SEMA4B: variants seen among roughly 807,000 people sequenced by gnomAD.
SEMA4B encodes semaphorin-4B.
A neutral mutation model predicts 88.1 loss-of-function variants in SEMA4B; 55 were observed. The ratio of observed to expected loss-of-function variants is 0.62; its 90% CI spans 0.50 to 0.78. SEMA4B has a LOEUF of 0.78. Ranked by LOEUF, SEMA4B falls within the 30% of genes least tolerant of loss-of-function variation. The pLI is 0.00. For synonymous variants in SEMA4B, 525 were observed against 473.6 expected, an observed-to-expected ratio of 1.11 and a Z score of -1.41; for missense variants, 1,062 against 1,111.9, an observed-to-expected ratio of 0.96 and a Z score of 0.64.
rs1962319534 is a variant in SEMA4B, at chr15:90,228,501, C to T, written c.2372C>T (p.Ser791Leu). 1 of 1,611,404 alleles carries T rather than the reference C, an allele frequency of 6.2e-7. No homozygotes were observed. The highest frequency in any genetic ancestry group is 8.5e-7 in the Non-Finnish European group (1 of 1,179,236). ...PLDHRGYQSL[S>L]DSPPGSRVFT... is the part of the protein sequence containing the mutation. ...GATCACCGAGGGTACCAGTCCCTGT[C>T]AGACAGCCCCCCGGGGTCCCGAGTC... Residue 791 changes from serine to leucine, a missense_variant, in exon 14 of 14, where the codon TCA becomes TTA. Coordinates refer to ENST00000411539, the MANE Select transcript of SEMA4B (RefSeq NM_198925.4).
chr15:90,205,662 C>A (rs1960952053), intron 1 of SEMA4B, among the ~76,000 whole-genome samples: 1 of 152,220 alleles, frequency 6.6e-6, no homozygotes. Context: ...AAGGTAGCTT[C>A]TGCTCTGGTG....
At chr15:90,196,274 A>T (rs1054873154) in intron 1 of SEMA4B, among the ~76,000 whole-genome samples, 1 of 152,188 alleles carries the variant, frequency 6.6e-6, no homozygotes, top group East Asian at 1.9e-4. Context: ...AATTACGTCA[A>T]ATAGTCCCAT....
chr15:90,225,956 A>G, intron 12 of SEMA4B, 129 bp downstream of exon 12: 1 of 672,334 alleles, frequency 1.5e-6, no homozygotes, highest in Non-Finnish European at 2.2e-6. Context: ...ATAATTATTA[A>G]TTAGCTCTCC....
Position 90,227,929 on chromosome 15 carries a change from G to C in SEMA4B, c.1800G>C (p.Gln600His). The C allele has an allele frequency of 6.2e-7, 1 of 1,613,034 alleles. No individual in the cohort carries two copies. Among genetic ancestry groups the C allele is most frequent in the African/African-American group, 1.3e-5 (1 of 75,040 alleles). Residue 600 changes from glutamine to histidine, a missense_variant, in exon 14 of 14, where the codon CAG becomes CAC. Coordinates refer to ENST00000411539, the MANE Select transcript of SEMA4B (RefSeq NM_198925.4). ...PTGEKPCEQV[Q>H]FQPNTVNTLA... ...GGGAGAAGCCATGTGAGCAAGTCCA[G>C]TTCCAGCCCAACACAGTGAACACTT...
chr15:90,224,869 G>C (rs1962057484), intron 9 of SEMA4B, 99 bp from the exon 10 acceptor site: 12 of 992,330 alleles, frequency 1.2e-5, no homozygotes, highest in Non-Finnish European at 1.9e-5. Context: ...CTCCGGGCGG[G>C]GGGACAGACA....
intron 1 of SEMA4B, among the ~76,000 whole-genome samples, chr15:90,213,352 G>A (rs999019744): frequency 6.6e-6 from 1 of 152,232 alleles, no homozygotes; most frequent in Non-Finnish European, 1.5e-5. Context: ...TGAGGCAAGT[G>A]TGGAAGGGAA....
At chr15:90,218,372 A>G (rs1961637775) in intron 3 of SEMA4B, among the ~76,000 whole-genome samples, 1 of 152,216 alleles carries the variant, frequency 6.6e-6, no homozygotes, top group African/African-American at 2.4e-5. Context: ...GGTGAGGGCA[A>G]ACGAGTGCTG....
intron 1 of SEMA4B, among the ~76,000 whole-genome samples, chr15:90,188,576 C>A (rs568525830): frequency 1.3e-5 from 2 of 151,688 alleles, no homozygotes; most frequent in South Asian, 4.2e-4. Flanking sequence ...TGCAGTGAGC[C>A]GAGATCGCAC....
exon 1 of SEMA4B, chr15:90,184,981 T>G: frequency 1.0e-6 from 1 of 985,716 alleles, no homozygotes; most frequent in South Asian, 4.7e-5. Flanking sequence ...CCCCAGGGGC[T>G]GCGCCGGGCC....
chr15:90,191,358 T>G (rs539130464), intron 1 of SEMA4B, among the ~76,000 whole-genome samples: 12 of 152,186 alleles, frequency 7.9e-5, no homozygotes, highest in Non-Finnish European at 1.6e-4. Flanking sequence ...AAGGGGGTCC[T>G]CAGAGATGGG....
intron 9 of SEMA4B, 76 bp from the exon 10 acceptor site, chr15:90,224,892 A>G: frequency 1.6e-6 from 2 of 1,251,038 alleles, no homozygotes; most frequent in Non-Finnish European, 2.3e-6. Flanking sequence ...GCTACTGTCC[A>G]CTGGGGAAGC....
intron 1 of SEMA4B, among the ~76,000 whole-genome samples, chr15:90,210,237 C>A (rs1321923607): frequency 6.6e-6 from 1 of 152,144 alleles, no homozygotes; most frequent in African/African-American, 2.4e-5. Flanking sequence ...GGGAGTGGGA[C>A]TGGAAGGGGG....
In SEMA4B at chr15:90,211,123, G is replaced by T. The variant is rs554215823; in HGVS notation, c.158-6316G>T. The stretch of plus-strand genomic sequence containing the variant: ...CCCAGGGCAGAGGCCCTAGAAGCCG[G>T]GTTGTTAGAGGGGAGCCAGCCCCTG... On this transcript the variant is annotated intron_variant, in intron 1 of 13. Coordinates refer to ENST00000411539, the MANE Select transcript of SEMA4B (RefSeq NM_198925.4). Among the ~76,000 whole-genome samples, 4 of 152,324 alleles carry T rather than the reference G, an allele frequency of 2.6e-5. No homozygotes were observed. The East Asian group carries it at 7.7e-4, about 29-fold the overall frequency.
chr15:90,208,491 A>G (rs1169240387), intron 1 of SEMA4B, among the ~76,000 whole-genome samples: 2 of 152,152 alleles, frequency 1.3e-5, no homozygotes. Context: ...CATCTTGATT[A>G]TTGATGGTCA....
At chr15:90,217,290 A>G in intron 1 of SEMA4B, 149 bp from the exon 2 acceptor site, 2 of 680,678 alleles carry the variant, frequency 2.9e-6, no homozygotes, top group East Asian at 2.8e-5. Flanking sequence ...TCGCCCATCA[A>G]ACCTGATCCC....
At chr15:90,187,936 C>T (rs1051971661) in intron 1 of SEMA4B, among the ~76,000 whole-genome samples, 7 of 149,482 alleles carry the variant, frequency 4.7e-5, no homozygotes, top group Middle Eastern at 6.9e-3. Flanking sequence ...ACCCAGGAGG[C>T]GGAGGTTGCA....
chr15:90,219,784 T>TC lies in SEMA4B; in HGVS notation c.385-3dup, dbSNP rs757167968. ...GTGGGACTGATATCCCCTCGCTCCT[T>TC]CCCCCCAGCGCGACTGTCAAAACTA... On this transcript the variant is annotated splice_polypyrimidine_tract_variant and intron_variant, in intron 3 of 13. Transcript: ENST00000411539. The TC allele has an allele frequency of 3.1e-6, 5 of 1,609,408 alleles. No individual in the cohort carries two copies. Among genetic ancestry groups the TC allele is most frequent in the East Asian group, 4.5e-5 (2 of 44,800 alleles).
At chr15:90,215,773 G>T (rs1961505213) in intron 1 of SEMA4B, among the ~76,000 whole-genome samples, 1 of 152,020 alleles carries the variant, frequency 6.6e-6, no homozygotes, top group Non-Finnish European at 1.5e-5. Context: ...GATCATGCCA[G>T]TGCACTCCTG....
chr15:90,185,357 T>G (rs556602223), intron 1 of SEMA4B, among the ~76,000 whole-genome samples: 6 of 152,308 alleles, frequency 3.9e-5, no homozygotes, highest in African/African-American at 1.4e-4. Flanking sequence ...CCACCCCTAC[T>G]CCTAAACCCG....
Sources: gnomAD v4.1 joint callset for allele counts (sites outside exome capture counted in the v4.1 genomes callset) on GRCh38, gnomAD v4.1.1 for gene constraint, MANE v1.5 for transcripts, NCBI Gene and HGNC (gene_info 2026-07-23, HGNC 2026-07-21) for gene names.